Variants in NTM observed in about 807,000 individuals in gnomAD.
NTM encodes the protein neurotrimin.
A neutral mutation model predicts 42.1 loss-of-function variants in NTM; 13 were observed. That is an observed-to-expected ratio of 0.31 (90% CI 0.20 to 0.49). The LOEUF (loss-of-function observed/expected upper bound fraction) is 0.49, where lower values mean the gene tolerates loss of function less well. Ranked by LOEUF, NTM falls within the 20% of genes least tolerant of loss-of-function variation. The probability of loss-of-function intolerance (pLI) is 0.99; values close to 1 mark genes in which losing one functional copy is unlikely to be tolerated. For synonymous variants in NTM, 187 were observed against 179.2 expected, an observed-to-expected ratio of 1.04 and a Z score of -0.35; for missense variants, 373 against 452.8, an observed-to-expected ratio of 0.82 and a Z score of 1.60.
chr11:131,375,824 T>C (rs1437133032), intron 1 of NTM, among the ~76,000 whole-genome samples: 1 of 152,206 alleles, frequency 6.6e-6, no homozygotes, highest in African/African-American at 2.4e-5. Flanking sequence ...TCTTTATTTA[T>C]GCAACCCTCT....
chr11:131,940,508 A>G (rs1322228875), intron 2 of NTM, among the ~76,000 whole-genome samples: 2 of 152,232 alleles, frequency 1.3e-5, no homozygotes, highest in African/African-American at 4.8e-5. Flanking sequence ...AACATGCACA[A>G]TGTACATATG....
intron 1 of NTM, among the ~76,000 whole-genome samples, chr11:131,411,153 AG>A (rs940381211): frequency 2.0e-5 from 3 of 152,126 alleles, no homozygotes; most frequent in African/African-American, 7.2e-5. Flanking sequence ...TTTCCTTGTG[AG>A]GGTTTCATGG....
At chr11:132,088,038 C>T (rs1202156551) in intron 2 of NTM, among the ~76,000 whole-genome samples, 2 of 152,200 alleles carry the variant, frequency 1.3e-5, no homozygotes, top group African/African-American at 4.8e-5. Context: ...GCCATGCACC[C>T]CAGCCAAGAG....
At chr11:131,647,460 AGT>A (rs2065910464) in intron 1 of NTM, among the ~76,000 whole-genome samples, 1 of 152,186 alleles carries the variant, frequency 6.6e-6, no homozygotes, top group Non-Finnish European at 1.5e-5. Context: ...TCATCTGGGG[AGT>A]CCCTTAGCAA....
intron 3 of NTM, among the ~76,000 whole-genome samples, chr11:132,185,800 T>G (rs1240967269): frequency 6.6e-6 from 1 of 151,874 alleles, no homozygotes; most frequent in Non-Finnish European, 1.5e-5. Context: ...CAGGATGGAG[T>G]AGGAAGGGGG....
At chr11:131,548,148 A>G (rs1007136856) in intron 1 of NTM, among the ~76,000 whole-genome samples, 1 of 152,218 alleles carries the variant, frequency 6.6e-6, no homozygotes, top group Non-Finnish European at 1.5e-5. Flanking sequence ...TAAATTAGAT[A>G]TGCAAAGCAA....
chr11:131,636,710 C>G (rs771853039), intron 1 of NTM, among the ~76,000 whole-genome samples: 11 of 152,228 alleles, frequency 7.2e-5, no homozygotes, highest in Non-Finnish European at 1.6e-4. Flanking sequence ...CTCCTCCCGA[C>G]TCTTCCTCTA....
chr11:132,234,210 G>A (rs1449329822), intron 4 of NTM, among the ~76,000 whole-genome samples: 2 of 152,208 alleles, frequency 1.3e-5, no homozygotes, highest in Non-Finnish European at 2.9e-5. Context: ...CTATGGGGAA[G>A]TTTGTTTTTG....
chr11:131,460,164 G>A (rs7128755), intron 1 of NTM, among the ~76,000 whole-genome samples: 9,259 of 152,178 alleles, frequency 0.061, 654 homozygotes, highest in East Asian at 0.22. Flanking sequence ...CATAGACAGC[G>A]TAATGCCCTG....
At chr11:131,795,557 T>C (rs2091459390) in intron 1 of NTM, 1 of 985,448 alleles carries the variant, frequency 1.0e-6, no homozygotes, top group African/African-American at 1.7e-5. Flanking sequence ...GGATACAGCA[T>C]GATGTTTGCA....
At chr11:131,683,032 A>C (rs1424065268) in intron 1 of NTM, among the ~76,000 whole-genome samples, 2 of 152,084 alleles carry the variant, frequency 1.3e-5, no homozygotes, top group African/African-American at 4.8e-5. Flanking sequence ...GCAGGCCCAT[A>C]CCACTTTCTA....
At chr11:131,652,939 C>T (rs372647682) in intron 1 of NTM, among the ~76,000 whole-genome samples, 5 of 152,320 alleles carry the variant, frequency 3.3e-5, no homozygotes, top group Admixed American at 2.0e-4. Context: ...CATCCTTTAC[C>T]GCCCTGCCAG....
At chr11:131,620,278 C>T (rs2062393270) in intron 1 of NTM, among the ~76,000 whole-genome samples, 1 of 152,210 alleles carries the variant, frequency 6.6e-6, no homozygotes, top group African/African-American at 2.4e-5. Context: ...CTCATGTCTA[C>T]AGCTAAAACC....
intron 1 of NTM, among the ~76,000 whole-genome samples, chr11:131,740,406 A>C (rs2135571112): frequency 6.6e-6 from 1 of 152,326 alleles, no homozygotes; most frequent in African/African-American, 2.4e-5. Context: ...TAAATTAATA[A>C]ATGGCTGTTA....
chr11:132,038,740 A>G (rs1031161687), intron 2 of NTM, among the ~76,000 whole-genome samples: 17 of 152,106 alleles, frequency 1.1e-4, no homozygotes, highest in African/African-American at 4.1e-4. Flanking sequence ...CCAGGTGAGG[A>G]GGTCAGCCTC....
chr11:132,053,495 T>C (rs2079152436), intron 2 of NTM, among the ~76,000 whole-genome samples: 1 of 152,182 alleles, frequency 6.6e-6, no homozygotes, highest in Non-Finnish European at 1.5e-5. Flanking sequence ...CTCTAGTCTC[T>C]TTCATAATGC....
chr11:131,603,205 C>T (rs950533121), intron 1 of NTM, among the ~76,000 whole-genome samples: 1 of 152,126 alleles, frequency 6.6e-6, no homozygotes, highest in East Asian at 1.9e-4. Context: ...TGCCATTTAT[C>T]ATTTTATTCA....
At chr11:131,537,506 T>G (rs2052464295) in intron 1 of NTM, 1 of 152,222 alleles carries the variant, frequency 6.6e-6, no homozygotes, top group African/African-American at 2.4e-5. Flanking sequence ...AAGAGGCTTC[T>G]GAAGATCAGC....
At chr11:131,642,063 G>C (rs1174971239) in intron 1 of NTM, among the ~76,000 whole-genome samples, 1 of 152,128 alleles carries the variant, frequency 6.6e-6, no homozygotes, top group Non-Finnish European at 1.5e-5. Context: ...TCTTTAAAAT[G>C]ACTCTTTAGT....
Sources: gnomAD v4.1 joint callset for allele counts (sites outside exome capture counted in the v4.1 genomes callset) on GRCh38, gnomAD v4.1.1 for gene constraint, MANE v1.5 for transcripts, NCBI Gene and HGNC (gene_info 2026-07-23, HGNC 2026-07-21) for gene names.